The following MMP26 variants were observed in gnomAD, a reference collection of about 807,000 sequenced individuals.
MMP26 encodes matrix metalloproteinase-26.
In MMP26, 33 loss-of-function variants were observed where a neutral mutation model predicts 31.0. The ratio of observed to expected loss-of-function variants is 1.06; its 90% CI spans 0.81 to 1.42. The LOEUF (loss-of-function observed/expected upper bound fraction) is 1.42, where lower values mean the gene tolerates loss of function less well. Ranked by LOEUF, MMP26 falls within the 40% of genes most tolerant of loss-of-function variation. The pLI, the probability that MMP26 is intolerant of heterozygous loss-of-function variation, is 0.00. For missense variants in MMP26, 347 were observed against 316.1 expected (o/e 1.10, Z -0.74); for synonymous variants, 122 against 114.9 (o/e 1.06, Z -0.40).
At chr11:4,927,710 A>G (rs1851291719) in intron 2 of MMP26, among the ~76,000 whole-genome samples, 1 of 152,158 alleles carries the variant, frequency 6.6e-6, no homozygotes, top group Admixed American at 6.5e-5. Context: ...TAGCTCAGCT[A>G]CAAGACTATT....
At chr11:4,762,392 C>T (rs893286291) in intron 1 of MMP26, among the ~76,000 whole-genome samples, 4 of 152,120 alleles carry the variant, frequency 2.6e-5, no homozygotes, top group Admixed American at 6.5e-5. Flanking sequence ...TATAGATGTA[C>T]TTTATTCACA....
intron 2 of MMP26, chr11:4,877,691 A>C (rs1850402357): frequency 6.6e-6 from 1 of 152,170 alleles, no homozygotes; most frequent in South Asian, 2.1e-4. Context: ...CTGAATTTTA[A>C]ATGTACTTAA....
intron 2 of MMP26, among the ~76,000 whole-genome samples, chr11:4,984,009 T>C (rs919427627): frequency 6.6e-6 from 1 of 152,172 alleles, no homozygotes; most frequent in Non-Finnish European, 1.5e-5. Flanking sequence ...TTTGCTTTCT[T>C]AGTTAAGCTG....
At chr11:4,822,027 G>A in intron 2 of MMP26, 4 of 1,614,016 alleles carry the variant, frequency 2.5e-6, no homozygotes, top group Non-Finnish European at 3.4e-6. Context: ...TCCTTGGTCT[G>A]TTTGCGCTTT....
chr11:4,968,193 CAG>C (rs1422414371), intron 2 of MMP26, among the ~76,000 whole-genome samples: 3 of 152,038 alleles, frequency 2.0e-5, no homozygotes, highest in Non-Finnish European at 4.4e-5. Context: ...ATACCGTAAA[CAG>C]AAAAATAATT....
intron 1 of MMP26, among the ~76,000 whole-genome samples, chr11:4,708,806 A>G (rs1193578550): frequency 6.6e-6 from 1 of 152,208 alleles, no homozygotes; most frequent in Non-Finnish European, 1.5e-5. Context: ...TAAATACTCC[A>G]GTTATTATCC....
chr11:4,895,338 A>C lies in MMP26; in HGVS notation c.-144-92730A>C, dbSNP rs115068130. On this transcript the variant is annotated intron_variant, in intron 2 of 7. Transcript: ENST00000380390. ...TTACTTGAAACCATAACGTCATCTC[A>C]CCTGCTCTTTCTTCCAAATCTGAAG... 3.1e-3 allele frequency among the ~76,000 whole-genome samples: 470 copies of C among 152,226 alleles called. 2 individuals are homozygous for C. The highest frequency in any genetic ancestry group is 0.011 in the African/African-American group (455 of 41,532).
At chr11:4,904,265 C>T (rs982370890) in intron 2 of MMP26, among the ~76,000 whole-genome samples, 1 of 152,028 alleles carries the variant, frequency 6.6e-6, no homozygotes, top group African/African-American at 2.4e-5. Flanking sequence ...AAGCAGCTTT[C>T]CCAGATTCAC....
intron 2 of MMP26, among the ~76,000 whole-genome samples, chr11:4,804,782 T>TA (rs1849241980): frequency 7.8e-6 from 1 of 128,864 alleles, no homozygotes. Flanking sequence ...CCTTTTCTAT[T>TA]AAAAATACAA....
chr11:4,830,815 T>C (rs932246146), intron 2 of MMP26, among the ~76,000 whole-genome samples: 1 of 152,172 alleles, frequency 6.6e-6, no homozygotes, highest in Non-Finnish European at 1.5e-5. Context: ...ACACCTGCAC[T>C]GGTCACCAAT....
At chr11:4,751,200 A>G (rs1250032714) in intron 1 of MMP26, among the ~76,000 whole-genome samples, 4 of 152,274 alleles carry the variant, frequency 2.6e-5, no homozygotes, top group South Asian at 2.1e-4. Context: ...ACAACTATCA[A>G]TAAGTATCTA....
intron 2 of MMP26, among the ~76,000 whole-genome samples, chr11:4,808,222 G>T (rs1302533576): frequency 6.6e-6 from 1 of 151,998 alleles, no homozygotes; most frequent in Non-Finnish European, 1.5e-5. Context: ...TAAGTATCGA[G>T]GTGCATGACT....
chr11:4,841,382 T>C (rs1849793874), intron 2 of MMP26, among the ~76,000 whole-genome samples: 1 of 151,810 alleles, frequency 6.6e-6, no homozygotes, highest in South Asian at 2.1e-4. Context: ...ATAATCAAAT[T>C]CCCCAAAATC....
chr11:4,985,062 T>A (rs1846866331), intron 2 of MMP26, among the ~76,000 whole-genome samples: 1 of 152,202 alleles, frequency 6.6e-6, no homozygotes, highest in African/African-American at 2.4e-5. Flanking sequence ...CTTAGGTTTT[T>A]GAATGTATTC....
intron 1 of MMP26, among the ~76,000 whole-genome samples, chr11:4,749,423 TAA>T (rs577570670): frequency 6.6e-6 from 1 of 150,978 alleles, no homozygotes; most frequent in Non-Finnish European, 1.5e-5. Flanking sequence ...TTCACAGAAT[TAA>T]AAAAAAATCT....
At chr11:4,767,178 A>C (rs1392575993) in intron 1 of MMP26, 92 bp from the exon 2 acceptor site, 1 of 152,202 alleles carries the variant, frequency 6.6e-6, no homozygotes, top group Admixed American at 6.5e-5. Context: ...CATAATTTTC[A>C]TGCCTATGTA....
intron 2 of MMP26, among the ~76,000 whole-genome samples, chr11:4,886,376 C>T (rs12804676): frequency 0.088 from 13,421 of 151,926 alleles, 753 homozygotes; most frequent in Middle Eastern, 0.19. Flanking sequence ...ACTTCCTAAC[C>T]CAGAGAAGAA....
chr11:4,789,953 T>A (rs1849001310), intron 2 of MMP26, among the ~76,000 whole-genome samples: 1 of 152,130 alleles, frequency 6.6e-6, no homozygotes, highest in Non-Finnish European at 1.5e-5. Flanking sequence ...ATAAGAAGAT[T>A]GCATGTATAA....
At chr11:4,706,577 C>CA (rs71050423) in intron 1 of MMP26, among the ~76,000 whole-genome samples, 14,323 of 87,096 alleles carry the variant, frequency 0.16, 1,104 homozygotes, top group East Asian at 0.28. Context: ...GACCCTATCT[C>CA]AAAAAAAAAA....
Sources: allele counts gnomAD v4.1 joint callset (sites outside exome capture counted in the v4.1 genomes callset), GRCh38; gene constraint gnomAD v4.1.1; transcripts MANE v1.5; gene names NCBI Gene and HGNC (gene_info 2026-07-23, HGNC 2026-07-21).